Variants in PDK3 observed in about 807,000 individuals in gnomAD.
The protein encoded by PDK3 is pyruvate dehydrogenase kinase, isozyme 3.
A neutral mutation model predicts 32.0 loss-of-function variants in PDK3; 12 were observed. That is an observed-to-expected ratio of 0.37 (90% CI 0.24 to 0.61). The LOEUF (loss-of-function observed/expected upper bound fraction) is 0.61, where lower values mean the gene tolerates loss of function less well. Among genes scored for constraint, PDK3 ranks in the 20% least tolerant of loss-of-function variants. The probability of loss-of-function intolerance (pLI) is 0.65; values close to 1 mark genes in which losing one functional copy is unlikely to be tolerated. For synonymous variants in PDK3, 122 were observed against 116.3 expected (o/e 1.05, Z -0.31); for missense variants, 188 against 316.9 (o/e 0.59, Z 3.09).
At chrX:24,498,766 G>A (rs1011544475) in intron 2 of PDK3, 63 bp from the exon 3 acceptor site, 1 of 646,419 alleles carries the variant, frequency 1.5e-6, no homozygotes, top group East Asian at 3.6e-5. Flanking sequence ...GAGAGGAGGG[G>A]TGGATGCTGG....
chrX:24,519,413 G>GGGTTGGAGTACAGT (rs1922341279), intron 6 of PDK3, among the ~76,000 whole-genome samples: 1 of 95,880 alleles, frequency 1.0e-5, no homozygotes, highest in African/African-American at 4.0e-5. Context: ...TCTGTTGCCC[G>GGGTTGGAGTACAGT]GGTTGGAGTA....
At chrX:24,492,594 A>G (rs1261340456) in intron 1 of PDK3, among the ~76,000 whole-genome samples, 1 of 111,043 alleles carries the variant, frequency 9.0e-6, no homozygotes, top group Non-Finnish European at 1.9e-5. Flanking sequence ...CTCAAAACAA[A>G]AAAGCCCTTA....
intron 1 of PDK3, among the ~76,000 whole-genome samples, chrX:24,477,626 A>G (rs1372448733): frequency 9.0e-6 from 1 of 111,237 alleles, no homozygotes; most frequent in Non-Finnish European, 1.9e-5. Flanking sequence ...AGTGTTACCT[A>G]TATCATTTAC....
Position 24,465,522 on chromosome X carries a change from T to G in PDK3, c.67T>G (p.Ser23Ala). ...PKQIERYSRFSPSPLSIKQFL... is the reference protein window; with the variant it reads ...PKQIERYSRFAPSPLSIKQFL... The stretch of plus-strand genomic sequence containing the variant: ...GCAGATCGAGCGCTACTCGCGCTTT[T>G]CGCCGTCGCCGCTCTCCATCAAACA... Residue 23 changes from serine (S) to alanine (A), a missense_variant, in exon 1 of 11, where the codon TCG (serine) becomes GCG (alanine). By Grantham distance (99) the Ser-to-Ala change is moderately conservative. Coordinates refer to ENST00000379162, the MANE Select transcript of PDK3 (RefSeq NM_005391.5). 1 of 1,209,036 alleles carries G rather than the reference T, an allele frequency of 8.3e-7. No individual in the cohort carries two copies. Among genetic ancestry groups the G allele is most frequent in the Non-Finnish European group, 1.1e-6 (1 of 893,004 alleles).
intron 3 of PDK3, among the ~76,000 whole-genome samples, chrX:24,503,016 C>T (rs1022194152): frequency 1.9e-5 from 2 of 102,865 alleles, no homozygotes; most frequent in African/African-American, 7.4e-5. Flanking sequence ...TTTATAGAAC[C>T]TGTGTTATAT....
At chrX:24,470,443 T>G (rs982578810) in intron 1 of PDK3, among the ~76,000 whole-genome samples, 1 of 110,952 alleles carries the variant, frequency 9.0e-6, no homozygotes, top group Non-Finnish European at 1.9e-5. Context: ...TCCCAGCACT[T>G]TGGGAGGCCA....
rs1479943150 is a variant in PDK3, at chrX:24,472,750, C to T, written c.106+7189C>T. 3.4e-5 allele frequency among the ~76,000 whole-genome samples: 3 copies of T among 87,067 alleles called. No individual in the cohort carries two copies. In the Admixed American group the frequency reaches 4.9e-4, roughly 14 times the overall value. The allele number at this position is 87,067 out of a possible 115,157, so 75.6% of individuals were successfully genotyped here. A position where few individuals can be genotyped will look rare whatever the true frequency, so the allele number is the denominator to read the frequency against. On this transcript the variant is annotated intron_variant, in intron 1 of 10. Transcript: ENST00000379162. Reference sequence around the variant, plus strand: ...TTGCCCAGGCTGGAGTGCAATGGTGCGATCTGGGCTCACCGCAACCTCCGC... The same window carrying T: ...TTGCCCAGGCTGGAGTGCAATGGTGTGATCTGGGCTCACCGCAACCTCCGC...
At chrX:24,544,397 C>G (rs958158083) in exon 12 of PDK3, among the ~76,000 whole-genome samples, 1 of 110,691 alleles carries the variant, frequency 9.0e-6, no homozygotes, top group Non-Finnish European at 1.9e-5. Context: ...TTTCTCTCCT[C>G]TGGTCCTGCT....
chrX:24,534,627 T>C (rs966381475), downstream of PDK3, among the ~76,000 whole-genome samples: 8 of 112,576 alleles, frequency 7.1e-5, no homozygotes, highest in African/African-American at 2.3e-4. Context: ...TCAATGCCAC[T>C]GAACTGTACA....
At chrX:24,549,580 G>A (rs968820415) in exon 12 of PDK3, 3 of 110,032 alleles carry the variant, frequency 2.7e-5, no homozygotes, top group Non-Finnish European at 3.8e-5. Context: ...CTTAGTTCTC[G>A]TGTAGAACTG....
At chrX:24,490,473 C>T (rs995317524) in intron 1 of PDK3, among the ~76,000 whole-genome samples, 1 of 111,581 alleles carries the variant, frequency 9.0e-6, no homozygotes, top group African/African-American at 3.3e-5. Context: ...TCATCAACGC[C>T]CCGCAGGACC....
At chrX:24,498,944 A>G in intron 3 of PDK3, 44 bp downstream of exon 3, 2 of 812,947 alleles carry the variant, frequency 2.5e-6, no homozygotes, top group Admixed American at 6.7e-5. Flanking sequence ...TATCTAGGTA[A>G]GAAAGATTTT....
At chrX:24,488,244 A>G (rs750429374) in intron 1 of PDK3, among the ~76,000 whole-genome samples, 1 of 111,332 alleles carries the variant, frequency 9.0e-6, no homozygotes, top group South Asian at 3.8e-4. Flanking sequence ...GGCTCCCTGC[A>G]TTACATTGAA....
At chrX:24,520,441 TG>T (rs909540550) in intron 6 of PDK3, among the ~76,000 whole-genome samples, 1 of 112,146 alleles carries the variant, frequency 8.9e-6, no homozygotes, top group African/African-American at 3.2e-5. Context: ...TTTATAGTAG[TG>T]GAGTTCATTG....
exon 12 of PDK3, among the ~76,000 whole-genome samples, chrX:24,543,070 C>T (rs1291420524): frequency 1.8e-5 from 2 of 111,887 alleles, no homozygotes; most frequent in Non-Finnish European, 3.8e-5. Context: ...GCCCTGGATA[C>T]TTGAATTCTT....
intron 1 of PDK3, among the ~76,000 whole-genome samples, chrX:24,483,608 C>T (rs1163787523): frequency 8.9e-6 from 1 of 112,167 alleles, no homozygotes; most frequent in Non-Finnish European, 1.9e-5. Flanking sequence ...GAGGGATTTA[C>T]CGTTACCTGC....
At chrX:24,483,676 A>C (rs746931498) in intron 1 of PDK3, among the ~76,000 whole-genome samples, 2 of 112,147 alleles carry the variant, frequency 1.8e-5, no homozygotes, top group South Asian at 7.3e-4. Context: ...AACTAAACTT[A>C]CTGGGTGTTT....
At chrX:24,521,598 G>C (rs752145872) in intron 6 of PDK3, among the ~76,000 whole-genome samples, 3 of 111,365 alleles carry the variant, frequency 2.7e-5, no homozygotes, top group Non-Finnish European at 3.8e-5. Context: ...CACATCTGCA[G>C]GTAGTAACAA....
intron 5 of PDK3, among the ~76,000 whole-genome samples, chrX:24,506,082 G>A (rs1200989635): frequency 2.7e-5 from 3 of 111,464 alleles, no homozygotes; most frequent in Non-Finnish European, 5.6e-5. Flanking sequence ...GATCTTCATT[G>A]CTCTTCAGCA....
Sources: gnomAD v4.1 joint callset for allele counts (sites outside exome capture counted in the v4.1 genomes callset) on GRCh38, gnomAD v4.1.1 for gene constraint, MANE v1.5 for transcripts, NCBI Gene and HGNC (gene_info 2026-07-23, HGNC 2026-07-21) for gene names.